RANBP3L: variants seen among roughly 807,000 people sequenced by gnomAD.
The protein encoded by RANBP3L is RAN binding protein 3 like.
RANBP3L carries 56 observed loss-of-function variants against 67.2 expected under a neutral mutation model. The observed-to-expected ratio is 0.83, with a 90% CI of 0.67 to 1.04. The LOEUF (loss-of-function observed/expected upper bound fraction) is 1.04. Ranked by LOEUF, RANBP3L falls within the 50% of genes least tolerant of loss-of-function variation. The probability of loss-of-function intolerance (pLI) is 0.00; values close to 1 mark genes in which losing one functional copy is unlikely to be tolerated. For missense variants in RANBP3L, 496 were observed against 535.5 expected (o/e 0.93, Z 0.73); for synonymous variants, 164 against 181.4 (o/e 0.90, Z 0.77).
At chr5:36,287,431 G>A (rs1314567313) in intron 1 of RANBP3L, among the ~76,000 whole-genome samples, 2 of 152,154 alleles carry the variant, frequency 1.3e-5, no homozygotes, top group East Asian at 3.9e-4. Flanking sequence ...CAGCCACTAA[G>A]TATGTGTTAA....
At chr5:36,282,147 T>C (rs1751015886) in intron 1 of RANBP3L, among the ~76,000 whole-genome samples, 1 of 152,188 alleles carries the variant, frequency 6.6e-6, no homozygotes, top group African/African-American at 2.4e-5. Flanking sequence ...ATCACATATT[T>C]TTCACTCAGA....
chr5:36,249,676 C>T lies in RANBP3L; in HGVS notation c.1376G>A (p.Arg459Lys). Reference protein sequence around the residue: ...NGSDPSSWTHRQSVACS With the variant: ...NGSDPSSWTHKQSVACS The stretch of plus-strand genomic sequence containing the variant: ...TATTCATGAACAGGCAACCGACTGT[C>T]TGTGAGTCCAACTAGAAGGATCTGT... Residue 459 changes from arginine to lysine, a missense_variant, in exon 14 of 14, where the codon AGA becomes AAA. Transcript: ENST00000296604. 6.4e-7 allele frequency: 1 copy of T among 1,558,144 alleles called. No individual in the cohort carries two copies. Among genetic ancestry groups the T allele is most frequent in the Non-Finnish European group, 8.8e-7 (1 of 1,140,202 alleles).
At chr5:36,265,559 G>T (rs1331729281) in intron 4 of RANBP3L, 39 bp from the exon 5 acceptor site, 4 of 1,235,018 alleles carry the variant, frequency 3.2e-6, no homozygotes, top group East Asian at 2.4e-5. Context: ...AAATACAGAA[G>T]AGTGTCAGAT....
At position 36,249,641 on chromosome 5, in the gene RANBP3L, T is replaced by C; in HGVS notation, c.*13A>G. On this transcript the variant is annotated 3_prime_UTR_variant, in exon 14 of 14. Coordinates refer to ENST00000296604, the MANE Select transcript of RANBP3L (RefSeq NM_145000.5). ...CCTCTTTTTGTAGATGTCATGTTTA[T>C]AGTAGGTAGTATTCATGAACAGGCA... 1 of 1,475,712 alleles carries C rather than the reference T, an allele frequency of 6.8e-7. No individual in the cohort carries two copies. Among genetic ancestry groups the C allele is most frequent in the Non-Finnish European group, 9.3e-7 (1 of 1,075,216 alleles). 91.4% of individuals were successfully genotyped at this position (1,475,712 alleles called of 1,614,324 possible). A position where few individuals can be genotyped will look rare whatever the true frequency, so the allele number is the denominator to read the frequency against.
intron 6 of RANBP3L, 100 bp downstream of exon 6, chr5:36,264,859 A>G: frequency 9.7e-7 from 1 of 1,031,364 alleles, no homozygotes; most frequent in Non-Finnish European, 1.4e-6. Context: ...AACAAAACAA[A>G]GCTCAGACAA....
At chr5:36,291,875 C>G (rs1423046351) in intron 1 of RANBP3L, among the ~76,000 whole-genome samples, 1 of 130,818 alleles carries the variant, frequency 7.6e-6, no homozygotes, top group Non-Finnish European at 1.6e-5. Flanking sequence ...GTGCATGTGT[C>G]TTTATAGCAG....
chr5:36,255,805 A>T (rs1748933620), intron 10 of RANBP3L, among the ~76,000 whole-genome samples: 3 of 152,100 alleles, frequency 2.0e-5, no homozygotes, highest in Admixed American at 2.0e-4. Flanking sequence ...TACAAAGTGA[A>T]AAGGGCCCCC....
In RANBP3L at chr5:36,257,708, C is replaced by T. The variant is rs540260660; in HGVS notation, c.670-152G>A. 81 of 446,138 alleles carry T rather than the reference C, an allele frequency of 1.8e-4. 1 individual carries two copies. In the South Asian group the frequency reaches 2.9e-3, roughly 16 times the overall value. 27.6% of individuals were successfully genotyped at this position (446,138 alleles called of 1,614,324 possible). ...TGTTTTGGACTTTCTGTGTGCTGAACAGAGAAATCGTCTCTATTGTTAGAA... is the reference window on the plus strand; with the variant it reads ...TGTTTTGGACTTTCTGTGTGCTGAATAGAGAAATCGTCTCTATTGTTAGAA... On this transcript the variant is annotated intron_variant, in intron 8 of 13. Transcript: ENST00000296604.
At chr5:36,259,538 G>A (rs917990165) in intron 8 of RANBP3L, among the ~76,000 whole-genome samples, 36 of 150,000 alleles carry the variant, frequency 2.4e-4, no homozygotes, top group African/African-American at 8.6e-4. Context: ...AGCCGAGATC[G>A]TGCCACTGCA....
intron 1 of RANBP3L, among the ~76,000 whole-genome samples, chr5:36,300,459 ACT>A (rs1483753071): frequency 6.6e-6 from 1 of 152,132 alleles, no homozygotes; most frequent in Non-Finnish European, 1.5e-5. Context: ...TTTAGCCAAC[ACT>A]CTCCACACCA....
At position 36,292,577 on chromosome 5, in the gene RANBP3L, A is replaced by G. The variant is rs534531578; in HGVS notation, c.91+8749T>C. ...TAATCCATCTTGAATTGATTTTTGT[A>G]TAAGGTGTAAGGAAGGGACCCAGTT... On this transcript the variant is annotated intron_variant, in intron 1 of 13. Transcript: ENST00000296604. Among the ~76,000 whole-genome samples the G allele has an allele frequency of 1.1e-4, 17 of 152,194 alleles. No individual in the cohort carries two copies. In the East Asian group the frequency reaches 3.1e-3, roughly 28 times the overall value.
chr5:36,260,716 T>C (rs1579691222), intron 8 of RANBP3L, 64 bp downstream of exon 8: 12 of 685,524 alleles, frequency 1.8e-5, no homozygotes, highest in Non-Finnish European at 2.7e-5. Flanking sequence ...TTAATTAATT[T>C]ACCTTTAGAA....
At position 36,297,417 on chromosome 5, in the gene RANBP3L, T is replaced by C. The variant is rs551840158; in HGVS notation, c.91+3909A>G. The stretch of plus-strand genomic sequence containing the variant: ...AGTTCAAATTTGTGTTGTTCAGGAG[T>C]CACCTGTATACACACACACACACAC... On this transcript the variant is annotated intron_variant, in intron 1 of 13. Transcript: ENST00000296604. Among the ~76,000 whole-genome samples, 11 of 118,526 alleles carry C rather than the reference T, an allele frequency of 9.3e-5. No individual in the cohort carries two copies. The South Asian group carries it at 2.0e-3, about 22-fold the overall frequency. The allele number at this position is 118,526 out of a possible 152,430, so 77.8% of individuals were successfully genotyped here.
chr5:36,285,067 C>T (rs2112046309), intron 1 of RANBP3L, among the ~76,000 whole-genome samples: 1 of 152,256 alleles, frequency 6.6e-6, no homozygotes, highest in Admixed American at 6.5e-5. Flanking sequence ...AGCTCTGAGA[C>T]CTCCTGGGGC....
chr5:36,282,768 TC>T (rs796275451), intron 1 of RANBP3L, among the ~76,000 whole-genome samples: 6 of 152,198 alleles, frequency 3.9e-5, no homozygotes, highest in African/African-American at 1.4e-4. Flanking sequence ...AGGGGCCTGG[TC>T]CCCATTCTCC....
At chr5:36,269,042 C>CTTTGTA (rs1281604611) in intron 4 of RANBP3L, among the ~76,000 whole-genome samples, 59 of 152,168 alleles carry the variant, frequency 3.9e-4, no homozygotes, top group Admixed American at 1.5e-3. Flanking sequence ...TTTTCTCCTG[C>CTTTGTA]TTACAAAGCT....
chr5:36,280,704 G>C (rs907111263), intron 1 of RANBP3L, among the ~76,000 whole-genome samples: 1 of 152,162 alleles, frequency 6.6e-6, no homozygotes, highest in Admixed American at 6.5e-5. Flanking sequence ...TCAGGGACTA[G>C]AATGGTTTTA....
chr5:36,269,855 A>G, intron 3 of RANBP3L, 96 bp downstream of exon 3: 1 of 1,010,430 alleles, frequency 9.9e-7, no homozygotes, highest in Non-Finnish European at 1.6e-6. Context: ...AAAAACATTA[A>G]CTTTCACATA....
Position 36,301,049 on chromosome 5 carries a change from G to A in RANBP3L, c.91+277C>T, listed in dbSNP as rs555152367. Among the ~76,000 whole-genome samples the A allele has an allele frequency of 9.9e-4, 151 of 152,144 alleles. 3 individuals carry two copies. The South Asian group carries it at 0.031, about 31-fold the overall frequency. ...GTAGCTGACTCAGCCTTGCTCAGAT[G>A]GGTGTTTTGAATTAGACAAAATCTA... On this transcript the variant is annotated intron_variant, in intron 1 of 13. Transcript: ENST00000296604.
Sources: gnomAD v4.1 joint callset for allele counts (sites outside exome capture counted in the v4.1 genomes callset) on GRCh38, gnomAD v4.1.1 for gene constraint, MANE v1.5 for transcripts, NCBI Gene and HGNC (gene_info 2026-07-23, HGNC 2026-07-21) for gene names.